Variants in TMTC1 observed in about 807,000 individuals in gnomAD.
The protein encoded by TMTC1 is protein O-mannosyl-transferase TMTC1.
Under a neutral mutation model 104.8 loss-of-function variants are expected in TMTC1, and 73 were observed. The ratio of observed to expected loss-of-function variants is 0.70; its 90% CI spans 0.58 to 0.85. The LOEUF (loss-of-function observed/expected upper bound fraction) is 0.85. Among genes scored for constraint, TMTC1 ranks in the 40% least tolerant of loss-of-function variants. The pLI is 0.00. For synonymous variants in TMTC1, 434 were observed against 428.7 expected (o/e 1.01, Z -0.15); for missense variants, 1,035 against 1,096.1 (o/e 0.94, Z 0.79).
intron 5 of TMTC1, among the ~76,000 whole-genome samples, chr12:29,748,762 G>C (rs992954333): frequency 3.3e-5 from 5 of 152,186 alleles, no homozygotes; most frequent in African/African-American, 1.2e-4. Context: ...GGAACTGGCT[G>C]ACACTGGTTT....
chr12:29,691,344 C>A (rs1346527501), intron 5 of TMTC1, among the ~76,000 whole-genome samples: 1 of 152,130 alleles, frequency 6.6e-6, no homozygotes, highest in Non-Finnish European at 1.5e-5. Context: ...GTGGTTCCAT[C>A]TCCAACCCAA....
At chr12:29,597,243 T>A (rs1224635729) in intron 7 of TMTC1, among the ~76,000 whole-genome samples, 1 of 97,456 alleles carries the variant, frequency 1.0e-5, no homozygotes, top group Non-Finnish European at 2.0e-5. Context: ...CTTTTCTTTC[T>A]TTTTTTTTTT....
intron 10 of TMTC1, among the ~76,000 whole-genome samples, chr12:29,539,674 C>A (rs533954194): frequency 1.4e-4 from 22 of 152,322 alleles, no homozygotes; most frequent in African/African-American, 5.3e-4. Flanking sequence ...CCTTACAAAT[C>A]ACTGCGTGTG....
intron 5 of TMTC1, among the ~76,000 whole-genome samples, chr12:29,720,645 T>A (rs991648468): frequency 6.6e-6 from 1 of 151,722 alleles, no homozygotes; most frequent in Non-Finnish European, 1.5e-5. Flanking sequence ...GATAGAAATA[T>A]GAAACTAGAG....
intron 6 of TMTC1, among the ~76,000 whole-genome samples, chr12:29,623,423 G>A (rs1383712904): frequency 6.6e-6 from 1 of 152,232 alleles, no homozygotes; most frequent in Non-Finnish European, 1.5e-5. Context: ...GGTTGATGAT[G>A]AAATAGGAAG....
chr12:29,551,737 C>T (rs1945110135), intron 10 of TMTC1, among the ~76,000 whole-genome samples: 1 of 151,442 alleles, frequency 6.6e-6, no homozygotes, highest in South Asian at 2.1e-4. Flanking sequence ...GGGACTTCCG[C>T]TCTGTTCATC....
intron 6 of TMTC1, among the ~76,000 whole-genome samples, chr12:29,617,536 C>CAG (rs145115277): frequency 0.15 from 19,810 of 134,738 alleles, 1,586 homozygotes; most frequent in Non-Finnish European, 0.19. Context: ...AAACAGACAA[C>CAG]AGAGAGAGAG....
chr12:29,758,939 C>T lies in TMTC1; in HGVS notation c.481-162G>A, dbSNP rs558142099. ...AGTTCTGATATATGGCTAAGCACCT[C>T]TGATTATCATATATATTTAATAACG... On this transcript the variant is annotated intron_variant, in intron 2 of 17. Transcript: ENST00000539277. Among the ~76,000 whole-genome samples, 3 of 152,164 alleles carry T rather than the reference C, an allele frequency of 2.0e-5. No individual in the cohort carries two copies. The East Asian group carries it at 5.8e-4, about 29-fold the overall frequency.
chr12:29,696,004 G>C (rs967887771), intron 5 of TMTC1, among the ~76,000 whole-genome samples: 3 of 151,736 alleles, frequency 2.0e-5, no homozygotes, highest in Non-Finnish European at 4.4e-5. Flanking sequence ...TTCTCTTGAT[G>C]GATGGCAGTT....
At chr12:29,550,957 A>AAAAAAAAAAG (rs1364038816) in intron 10 of TMTC1, among the ~76,000 whole-genome samples, 1 of 54,840 alleles carries the variant, frequency 1.8e-5, no homozygotes, top group African/African-American at 6.1e-5. Flanking sequence ...AAAAAAAAAA[A>AAAAAAAAAAG]AAAAAAAAAA....
intron 3 of TMTC1, among the ~76,000 whole-genome samples, chr12:29,758,224 T>A (rs942544070): frequency 6.6e-6 from 1 of 152,216 alleles, no homozygotes; most frequent in African/African-American, 2.4e-5. Flanking sequence ...TGAAACTATA[T>A]GTAAATTGGA....
At position 29,517,842 on chromosome 12, in the gene TMTC1, G is replaced by A. The variant is rs145573697; in HGVS notation, c.2025-271C>T. Among the ~76,000 whole-genome samples the A allele has an allele frequency of 7.9e-5, 12 of 152,172 alleles. No homozygotes were observed. In the East Asian group the frequency reaches 2.3e-3, roughly 29 times the overall value. ...TGATTCTCCTGCCTCAGCCTCCTGA[G>A]TAGCAGGGATTACAGGTGCCCGCCA... On this transcript the variant is annotated intron_variant, in intron 13 of 17. Transcript: ENST00000539277.
intron 6 of TMTC1, among the ~76,000 whole-genome samples, chr12:29,627,427 G>C (rs1938058479): frequency 6.6e-6 from 1 of 152,146 alleles, no homozygotes; most frequent in African/African-American, 2.4e-5. Context: ...GACTCAGTAG[G>C]ATAGCTTTAA....
In TMTC1 at chr12:29,548,809, AAAGG is replaced by A. The variant is rs372797777; in HGVS notation, c.1676+8044_1676+8047del. On this transcript the variant is annotated intron_variant, in intron 10 of 17. Transcript: ENST00000539277. ...ATATTACATATAAATATATAAGTATAAAGGTTATATATTGCTTGATTATATCACT... is the reference window on the plus strand; with the variant it reads ...ATATTACATATAAATATATAAGTATATTATATATTGCTTGATTATATCACT... Among the ~76,000 whole-genome samples the A allele has an allele frequency of 9.1e-5, 13 of 142,942 alleles. 1 individual carries two copies. In the South Asian group the frequency reaches 2.1e-3, roughly 23 times the overall value. The allele number at this position is 142,942 out of a possible 152,430, so 93.8% of individuals were successfully genotyped here. A position where few individuals can be genotyped will look rare whatever the true frequency, so the allele number is the denominator to read the frequency against.
Position 29,503,556 on chromosome 12 carries a change from G to C in TMTC1, c.*3290C>G, listed in dbSNP as rs1943638558. The C allele has an allele frequency of 6.6e-6, 1 of 152,138 alleles. No homozygotes were observed. The highest frequency in any genetic ancestry group is 2.4e-5 in the African/African-American group (1 of 41,428). 9.4% of individuals were successfully genotyped at this position (152,138 alleles called of 1,614,324 possible). A position where few individuals can be genotyped will look rare whatever the true frequency, so the allele number is the denominator to read the frequency against. On this transcript the variant is annotated 3_prime_UTR_variant, in exon 18 of 18. Transcript: ENST00000539277. ...CACAAAAAAAAGGAGAGGTTAGATG[G>C]ACTGGAAAAAGAGGGGTGATATATA...
Position 29,500,954 on chromosome 12 carries a change from A to AT in TMTC1, c.*5891dup, listed in dbSNP as rs146445675. ...GGGAGAAATACTTTATGGAAGATAAATTCTAACGGGCACAGCCAAAGTAAC... is the reference window on the plus strand; with the variant it reads ...GGGAGAAATACTTTATGGAAGATAAATTTCTAACGGGCACAGCCAAAGTAAC... On this transcript the variant is annotated 3_prime_UTR_variant, in exon 18 of 18. Transcript: ENST00000539277. The AT allele has an allele frequency of 0.038, 5,736 of 152,744 alleles. 214 individuals carry two copies. Among genetic ancestry groups the AT allele is most frequent in the East Asian group, 0.18 (910 of 5,172 alleles). 9.5% of individuals were successfully genotyped at this position (152,744 alleles called of 1,614,324 possible).
chr12:29,719,758 A>G (rs1426477173), intron 5 of TMTC1, among the ~76,000 whole-genome samples: 1 of 152,158 alleles, frequency 6.6e-6, no homozygotes, highest in African/African-American at 2.4e-5. Flanking sequence ...TACCTTTTCA[A>G]TGTCCCGCTT....
intron 5 of TMTC1, among the ~76,000 whole-genome samples, chr12:29,685,166 C>T (rs16934759): frequency 0.14 from 21,047 of 151,854 alleles, 1,747 homozygotes; most frequent in East Asian, 0.34. Flanking sequence ...ATATCAAGTA[C>T]TATCATTCAG....
At chr12:29,612,220 T>G (rs1196295726) in intron 6 of TMTC1, among the ~76,000 whole-genome samples, 1 of 152,104 alleles carries the variant, frequency 6.6e-6, no homozygotes, top group African/African-American at 2.4e-5. Flanking sequence ...GGTGGCCAAA[T>G]GAGACACTGC....
Sources: gnomAD v4.1 joint callset for allele counts (sites outside exome capture counted in the v4.1 genomes callset) on GRCh38, gnomAD v4.1.1 for gene constraint, MANE v1.5 for transcripts, NCBI Gene and HGNC (gene_info 2026-07-23, HGNC 2026-07-21) for gene names.